ANKRD6: variants seen among roughly 807,000 people sequenced by gnomAD.
ANKRD6 encodes the protein ankyrin repeat domain-containing protein 6.
A neutral mutation model predicts 82.3 loss-of-function variants in ANKRD6; 56 were observed. The observed-to-expected ratio is 0.68, with a 90% CI of 0.55 to 0.85. The LOEUF (loss-of-function observed/expected upper bound fraction) is 0.85, where lower values mean the gene tolerates loss of function less well. ANKRD6 is among the 40% of genes least tolerant of loss of function. The probability of loss-of-function intolerance (pLI) is 0.00; values close to 1 mark genes in which losing one functional copy is unlikely to be tolerated. For missense variants in ANKRD6, 852 were observed against 907.6 expected (o/e 0.94, Z 0.79); for synonymous variants, 347 against 352.1 (o/e 0.99, Z 0.16).
At chr6:89,509,895 TAACC>T (rs1279482928) in intron 1 of ANKRD6, among the ~76,000 whole-genome samples, 4 of 152,232 alleles carry the variant, frequency 2.6e-5, no homozygotes, top group Non-Finnish European at 4.4e-5. Context: ...TCCATGTTCT[TAACC>T]ACACTATACC....
At chr6:89,580,638 C>T (rs960625790) in intron 2 of ANKRD6, among the ~76,000 whole-genome samples, 6 of 151,798 alleles carry the variant, frequency 4.0e-5, no homozygotes, top group Admixed American at 6.6e-5. Context: ...TTTCCAGTTT[C>T]GACAAAACCT....
chr6:89,599,743 G>T (rs1796680032), intron 3 of ANKRD6, among the ~76,000 whole-genome samples: 5 of 152,300 alleles, frequency 3.3e-5, no homozygotes, highest in Admixed American at 3.3e-4. Flanking sequence ...TCACCTCAGA[G>T]CCTTTAATTC....
At chr6:89,556,999 T>A (rs976517978) in intron 1 of ANKRD6, among the ~76,000 whole-genome samples, 1 of 151,892 alleles carries the variant, frequency 6.6e-6, no homozygotes, top group Non-Finnish European at 1.5e-5. Context: ...GTTTAGTGAA[T>A]GTGGGATAGG....
At chr6:89,460,715 C>T (rs556185219) in intron 1 of ANKRD6, among the ~76,000 whole-genome samples, 4 of 152,040 alleles carry the variant, frequency 2.6e-5, no homozygotes, top group South Asian at 2.1e-4. Context: ...GGATTACAGG[C>T]GTGAGCACCC....
intron 1 of ANKRD6, among the ~76,000 whole-genome samples, chr6:89,552,257 T>A (rs1785956944): frequency 6.6e-6 from 1 of 152,208 alleles, no homozygotes; most frequent in Admixed American, 6.5e-5. Flanking sequence ...TTACCTTCCT[T>A]AGGGGTCAGA....
chr6:89,609,556 CCT>C (rs1258825160), intron 5 of ANKRD6, among the ~76,000 whole-genome samples: 2 of 152,096 alleles, frequency 1.3e-5, no homozygotes, highest in Admixed American at 1.3e-4. Context: ...CTCACCTTGG[CCT>C]CCCAAAGTGC....
intron 1 of ANKRD6, among the ~76,000 whole-genome samples, chr6:89,477,402 G>A (rs1776175577): frequency 1.3e-5 from 2 of 152,000 alleles, no homozygotes; most frequent in South Asian, 4.2e-4. Context: ...AAAAATTTGA[G>A]ATCATACACC....
intron 1 of ANKRD6, among the ~76,000 whole-genome samples, chr6:89,556,181 T>C (rs577054795): frequency 7.3e-4 from 111 of 152,350 alleles, no homozygotes; most frequent in Admixed American, 2.7e-3. Flanking sequence ...ACCTTTGCCA[T>C]CTTGAAACAA....
rs906191601 is a variant in ANKRD6 at position 89,629,034 on chromosome 6, C to CTTTA, written c.1486-77_1486-74dup. 5 of 1,468,836 alleles carry CTTTA rather than the reference C, an allele frequency of 3.4e-6. No individual in the cohort carries two copies. The African/African-American group carries it at 7.1e-5, about 21-fold the overall frequency. The allele number at this position is 1,468,836 out of a possible 1,614,324, so 91.0% of individuals were successfully genotyped here. A position where few individuals can be genotyped will look rare whatever the true frequency, so the allele number is the denominator to read the frequency against. On this transcript the variant is annotated intron_variant, in intron 14 of 15. Coordinates refer to ENST00000339746, the MANE Select transcript of ANKRD6 (RefSeq NM_001242809.2). ...ATAATTGAAAAGTCCATCCTTGATGCTTTAATTCATAAACCATGTATCAAA... is the reference window on the plus strand; with the variant it reads ...ATAATTGAAAAGTCCATCCTTGATGCTTTATTTAATTCATAAACCATGTATCAAA...
At chr6:89,571,449 T>C (rs1204767026) in intron 2 of ANKRD6, among the ~76,000 whole-genome samples, 2 of 152,202 alleles carry the variant, frequency 1.3e-5, no homozygotes, top group African/African-American at 4.8e-5. Flanking sequence ...TGTATCATCT[T>C]TGGAGAAATG....
chr6:89,549,461 A>G (rs1785528470), intron 1 of ANKRD6, among the ~76,000 whole-genome samples: 1 of 150,712 alleles, frequency 6.6e-6, no homozygotes, highest in South Asian at 2.1e-4. Context: ...CCCTTGCAAG[A>G]TGATAGCTTC....
At chr6:89,453,846 G>A (rs1033240007) in intron 1 of ANKRD6, among the ~76,000 whole-genome samples, 3 of 151,752 alleles carry the variant, frequency 2.0e-5, no homozygotes, top group East Asian at 1.9e-4. Context: ...CTGTCGCCCA[G>A]GCTTGAGTGC....
intron 1 of ANKRD6, among the ~76,000 whole-genome samples, chr6:89,446,237 A>G (rs1174756880): frequency 1.3e-5 from 2 of 152,132 alleles, no homozygotes; most frequent in Admixed American, 1.3e-4. Flanking sequence ...CTATAATCCA[A>G]GCTACTTGGG....
intron 1 of ANKRD6, among the ~76,000 whole-genome samples, chr6:89,513,658 T>C (rs1392187957): frequency 6.6e-6 from 1 of 152,236 alleles, no homozygotes; most frequent in African/African-American, 2.4e-5. Context: ...ATCTGTATTT[T>C]AAATTTCATT....
chr6:89,523,055 T>C (rs1264547396), intron 1 of ANKRD6, among the ~76,000 whole-genome samples: 1 of 152,148 alleles, frequency 6.6e-6, no homozygotes, highest in Non-Finnish European at 1.5e-5. Context: ...AGACAGCAGA[T>C]TCCCTCCTGA....
Position 89,623,887 on chromosome 6 carries a change from G to A in ANKRD6, c.1048G>A (p.Asp350Asn). 1 of 1,612,960 alleles carries A rather than the reference G, an allele frequency of 6.2e-7. No individual in the cohort carries two copies. Among genetic ancestry groups the A allele is most frequent in the Non-Finnish European group, 8.5e-7 (1 of 1,179,402 alleles). The stretch of plus-strand genomic sequence containing the variant: ...TCTCTTACAGGTGTCAGCATTTTCT[G>A]ACCCCACCCCACCAGCCGACCAACA... Reference protein sequence around the residue: ...KSRPKVSAFSDPTPPADQQPG... With the variant: ...KSRPKVSAFSNPTPPADQQPG... The change falls in exon 12 of 16, where the codon GAC becomes AAC. Residue 350 changes from aspartate (D) to asparagine (N), a missense_variant. Physicochemically the swap from Asp to Asn is conservative, Grantham distance 23. Coordinates refer to ENST00000339746, the MANE Select transcript of ANKRD6 (RefSeq NM_001242809.2).
Position 89,564,954 on chromosome 6 carries a change from A to G in ANKRD6, c.-143-1880A>G, listed in dbSNP as rs537871332. Among the ~76,000 whole-genome samples the G allele has an allele frequency of 3.3e-5, 5 of 152,246 alleles. No individual in the cohort carries two copies. In the East Asian group the frequency reaches 7.7e-4, roughly 24 times the overall value. ...CATTTAGGCCTGGAGTGATTTTGCAATATTTGGGCAAACAGAGCAGAAGCT... is the reference window on the plus strand; with the variant it reads ...CATTTAGGCCTGGAGTGATTTTGCAGTATTTGGGCAAACAGAGCAGAAGCT... On this transcript the variant is annotated intron_variant, in intron 1 of 15. Transcript: ENST00000339746.
In ANKRD6 at chr6:89,550,096, A is replaced by G. The variant is rs1235289006; in HGVS notation, c.-143-16738A>G. Among the ~76,000 whole-genome samples the G allele has an allele frequency of 2.0e-5, 3 of 151,908 alleles. No homozygotes were observed. The East Asian group carries it at 5.8e-4, about 29-fold the overall frequency. On this transcript the variant is annotated intron_variant, in intron 1 of 15. Coordinates refer to ENST00000339746, the MANE Select transcript of ANKRD6 (RefSeq NM_001242809.2). Reference sequence around the variant, plus strand: ...GAGCAATGAGATTCAGTCTTTAAAAAGAAAGAAAGAAAGAAAGAAACCAGC... The same window carrying G: ...GAGCAATGAGATTCAGTCTTTAAAAGGAAAGAAAGAAAGAAAGAAACCAGC...
At chr6:89,462,118 G>T (rs1250745045) in intron 1 of ANKRD6, among the ~76,000 whole-genome samples, 2 of 149,474 alleles carry the variant, frequency 1.3e-5, no homozygotes, top group African/African-American at 5.1e-5. Context: ...TGTAATTCCA[G>T]CTACTCAGGG....
Sources: allele counts gnomAD v4.1 joint callset (sites outside exome capture counted in the v4.1 genomes callset), GRCh38; gene constraint gnomAD v4.1.1; transcripts MANE v1.5; gene names NCBI Gene and HGNC (gene_info 2026-07-23, HGNC 2026-07-21).